TMEM238: variants seen among roughly 807,000 people sequenced by gnomAD.
TMEM238 encodes transmembrane protein 238.
For missense variants in TMEM238, 169 were observed against 206.8 expected (o/e 0.82, Z 1.12); for synonymous variants, 103 against 111.5 (o/e 0.92, Z 0.48).
Position 55,384,122 on chromosome 19 carries a change from C to T in TMEM238, c.138G>A (p.Val46=). The T allele has an allele frequency of 6.9e-7, 1 of 1,446,786 alleles. No homozygotes were observed. Among genetic ancestry groups the T allele is most frequent in the Non-Finnish European group, 9.1e-7 (1 of 1,093,836 alleles). 89.6% of individuals were successfully genotyped at this position (1,446,786 alleles called of 1,614,324 possible). Residue 46 remains valine (V), a synonymous_variant, in exon 1 of 2, where the codon GTG becomes GTA. Transcript: ENST00000444469. The surrounding 1 kb of genome is among the most constrained non-coding windows in gnomAD (Gnocchi z 5.6). ...CGGTCAGCAGCGCCGCCATGCCCGC[C>T]ACATCCAGCGCCACGGCCAGCAGCA... The part of the protein sequence containing the change: ...MALLLAVALD[V]AGMAALLTGV...
intron 1 of TMEM238, among the ~76,000 whole-genome samples, chr19:55,381,418 C>CA (rs56902543): frequency 0.28 from 14,896 of 53,098 alleles, 2,604 homozygotes; most frequent in Non-Finnish European, 0.4. Context: ...AACTCCATCT[C>CA]AAAAAAAAAA....
intron 1 of TMEM238, among the ~76,000 whole-genome samples, chr19:55,381,814 AC>A (rs2089888092): frequency 6.6e-6 from 1 of 152,134 alleles, no homozygotes; most frequent in African/African-American, 2.4e-5. Flanking sequence ...CCTCCCCAGT[AC>A]CATGCTGCAT....
rs1166167256 is a variant in TMEM238 at position 55,384,012 on chromosome 19, A to C, written c.248T>G (p.Leu83Arg). 1 of 1,472,154 alleles carries C rather than the reference A, an allele frequency of 6.8e-7. No homozygotes were observed. Among genetic ancestry groups the C allele is most frequent in the Non-Finnish European group, 9.0e-7 (1 of 1,108,848 alleles). The allele number at this position is 1,472,154 out of a possible 1,614,324, so 91.2% of individuals were successfully genotyped here. A position where few individuals can be genotyped will look rare whatever the true frequency, so the allele number is the denominator to read the frequency against. Residue 83 changes from leucine to arginine, a missense_variant, in exon 1 of 2, where the codon CTG becomes CGG. Physicochemically the swap from Leu to Arg is moderately radical, Grantham distance 102. Coordinates refer to ENST00000444469, the MANE Select transcript of TMEM238 (RefSeq NM_001190764.2). The surrounding 1 kb of genome is among the most constrained non-coding windows in gnomAD (Gnocchi z 5.6). ...GGTGTACCAGAGGATCCAGCCCAGC[A>C]GGCTCAGGAACACCAGCAGCGCGCC... ...YSGALLVFLS[L>R]LGWILWYTGN...
At position 55,383,800 on chromosome 19, in the gene TMEM238, A is replaced by C. The variant is rs1446562294; in HGVS notation, c.460T>G (p.Ser154Ala). The C allele has an allele frequency of 9.3e-6, 3 of 321,772 alleles. No homozygotes were observed. The highest frequency in any genetic ancestry group is 1.3e-5 in the Non-Finnish European group (3 of 225,404). 19.9% of individuals were successfully genotyped at this position (321,772 alleles called of 1,614,324 possible). ...ARAPPPPAAG[S>A]RRVRLQLATL... ...GCGAGCTGCAGGCGCACGCGGCGGG[A>C]GCCGGCGGCGGGCGGCGGGGGCGCG... Residue 154 changes from serine (S) to alanine (A), a missense_variant, in exon 1 of 2, where the codon TCC (serine) becomes GCC (alanine). Transcript: ENST00000444469. This position sits in a 1 kb window ranked among gnomAD's most constrained non-coding sequence, Gnocchi z 4.9.
In TMEM238 at chr19:55,383,929, C is replaced by T; in HGVS notation, c.331G>A (p.Ala111Thr). 1 of 1,290,642 alleles carries T rather than the reference C, an allele frequency of 7.7e-7. No homozygotes were observed. The highest frequency in any genetic ancestry group is 3.5e-5 in the East Asian group (1 of 28,276). The allele number at this position is 1,290,642 out of a possible 1,614,324, so 79.9% of individuals were successfully genotyped here. Residue 111 changes from alanine (A) to threonine (T), a missense_variant, in exon 1 of 2, where the codon GCG (alanine) becomes ACG (threonine). Physicochemically the swap from Ala to Thr is moderately conservative, Grantham distance 58. Coordinates refer to ENST00000444469, the MANE Select transcript of TMEM238 (RefSeq NM_001190764.2). The surrounding 1 kb of genome is among the most constrained non-coding windows in gnomAD (Gnocchi z 4.9). ...LERDYGLRPS[A>T]LARLARKLSR... ...AGCTTGCGCGCCAGGCGGGCGAGCG[C>T]CGAGGGCCGCAGGCCGTAGTCGCGC...
At chr19:55,381,120 G>A (rs1160923642) in intron 1 of TMEM238, among the ~76,000 whole-genome samples, 1 of 152,028 alleles carries the variant, frequency 6.6e-6, no homozygotes, top group African/African-American at 2.4e-5. Context: ...TGGATGCATA[G>A]GAGAAAAGTT....
intron 1 of TMEM238, among the ~76,000 whole-genome samples, chr19:55,380,264 CCT>C (rs1569036767): frequency 8.1e-6 from 1 of 123,406 alleles, no homozygotes; most frequent in Non-Finnish European, 1.7e-5. Context: ...AAAGGATTCT[CCT>C]CTCCTCCCCT....
chr19:55,380,178 T>G (rs1307815285), intron 1 of TMEM238, among the ~76,000 whole-genome samples: 1 of 151,626 alleles, frequency 6.6e-6, no homozygotes, highest in African/African-American at 2.4e-5. Context: ...TACGTTCGAG[T>G]CAGTGTGGTC....
At chr19:55,381,050 A>G (rs1218475068) in intron 1 of TMEM238, among the ~76,000 whole-genome samples, 1 of 152,208 alleles carries the variant, frequency 6.6e-6, no homozygotes, top group Non-Finnish European at 1.5e-5. Context: ...CACGTAGCAT[A>G]TGATTGGGGT....
chr19:55,380,944 GT>G (rs1884188862), intron 1 of TMEM238, among the ~76,000 whole-genome samples: 1 of 152,132 alleles, frequency 6.6e-6, no homozygotes, highest in Non-Finnish European at 1.5e-5. Context: ...AGGTGCTTAT[GT>G]TTGCATTCTA....
At chr19:55,381,722 C>T (rs1255641395) in intron 1 of TMEM238, among the ~76,000 whole-genome samples, 1 of 152,126 alleles carries the variant, frequency 6.6e-6, no homozygotes, top group Non-Finnish European at 1.5e-5. Flanking sequence ...CAAGGAGTTC[C>T]CAGGTGTAAC....
At position 55,382,151 on chromosome 19, in the gene TMEM238, C is replaced by T. The variant is rs79985865; in HGVS notation, c.*7+1571G>A. Among the ~76,000 whole-genome samples, 1,016 of 151,078 alleles carry T rather than the reference C, an allele frequency of 6.7e-3. 11 individuals carry two copies. The highest frequency in any genetic ancestry group is 0.024 in the African/African-American group (990 of 41,066). ...ACAACTCATCCATCCACGCACCCAT[C>T]GATCTACCCATCCACCCACCCACCC... On this transcript the variant is annotated intron_variant, in intron 1 of 1. Transcript: ENST00000444469.
chr19:55,379,276 G>C lies in TMEM238; in HGVS notation c.*99C>G, dbSNP rs1343526683. 6.6e-6 allele frequency: 1 copy of C among 152,312 alleles called. No individual in the cohort carries two copies. The highest frequency in any genetic ancestry group is 2.4e-5 in the African/African-American group (1 of 41,448). The allele number at this position is 152,312 out of a possible 1,614,324, so 9.4% of individuals were successfully genotyped here. On this transcript the variant is annotated 3_prime_UTR_variant, in exon 2 of 2. Transcript: ENST00000444469. ...AATCTGCTTTTTATCCAAGTGAGGA[G>C]GGAGGGGGTACAGGGAGCGTCCGTC... is the stretch of plus-strand genomic sequence containing the variant.
At chr19:55,380,569 C>T (rs917318236) in intron 1 of TMEM238, among the ~76,000 whole-genome samples, 2 of 149,986 alleles carry the variant, frequency 1.3e-5, no homozygotes, top group Non-Finnish European at 3.0e-5. Context: ...GGATTACAGG[C>T]GTCCGCCACC....
In TMEM238 at chr19:55,384,058, C is replaced by G. The variant is rs1413586006; in HGVS notation, c.202G>C (p.Gly68Arg). ...GCGCCCGAGTAGATGAGCAGGTCCCCGAAGTCGCGGCCGCGCACCTGCAGC... is the reference window on the plus strand; with the variant it reads ...GCGCCCGAGTAGATGAGCAGGTCCCGGAAGTCGCGGCCGCGCACCTGCAGC... Reference protein sequence around the residue: ...AQLQVRGRDFGDLLIYSGALL... With the variant: ...AQLQVRGRDFRDLLIYSGALL... The change falls in exon 1 of 2, where the codon GGG becomes CGG. Residue 68 changes from glycine (G) to arginine (R), a missense_variant. Coordinates refer to ENST00000444469, the MANE Select transcript of TMEM238 (RefSeq NM_001190764.2). This position sits in a 1 kb window ranked among gnomAD's most constrained non-coding sequence, Gnocchi z 5.6. 4.1e-5 allele frequency: 61 copies of G among 1,481,842 alleles called. No homozygotes were observed. The highest frequency in any genetic ancestry group is 5.4e-5 in the Non-Finnish European group (60 of 1,114,090). 91.8% of individuals were successfully genotyped at this position (1,481,842 alleles called of 1,614,324 possible). A position where few individuals can be genotyped will look rare whatever the true frequency, so the allele number is the denominator to read the frequency against.
intron 1 of TMEM238, among the ~76,000 whole-genome samples, chr19:55,381,694 C>G (rs1436817896): frequency 6.6e-6 from 1 of 152,090 alleles, no homozygotes; most frequent in Non-Finnish European, 1.5e-5. Context: ...TCCTATGGAC[C>G]AGCCGAGGCC....
chr19:55,379,477 C>G (rs534514134), intron 1 of TMEM238, 110 bp from the exon 2 acceptor site: 2 of 152,306 alleles, frequency 1.3e-5, no homozygotes, highest in African/African-American at 4.8e-5. Context: ...CCTGCCCTTG[C>G]CGCTCACATG....
chr19:55,384,213 C>G lies in TMEM238; in HGVS notation c.47G>C (p.Gly16Ala). ...AVCASQGSPP[G>A]APSAPAAAPA... ...CGCGGCCGCCGGCGCGGACGGTGCA[C>G]CCGGCGGGCTCCCCTGCGAGGCGCA... Residue 16 changes from glycine (G) to alanine (A), a missense_variant, in exon 1 of 2, where the codon GGT (glycine) becomes GCT (alanine). Physicochemically the swap from Gly to Ala is moderately conservative, Grantham distance 60 (BLOSUM62 0). Transcript: ENST00000444469. The surrounding 1 kb of genome is among the most constrained non-coding windows in gnomAD (Gnocchi z 5.6). 2.6e-6 allele frequency: 3 copies of G among 1,163,538 alleles called. No individual in the cohort carries two copies. The highest frequency in any genetic ancestry group is 3.2e-6 in the Non-Finnish European group (3 of 948,576). The allele number at this position is 1,163,538 out of a possible 1,614,324, so 72.1% of individuals were successfully genotyped here.
chr19:55,381,418 CAA>C (rs56902543), intron 1 of TMEM238, among the ~76,000 whole-genome samples: 3,468 of 53,310 alleles, frequency 0.065, 116 homozygotes, highest in African/African-American at 0.2. Context: ...AACTCCATCT[CAA>C]AAAAAAAAAA....
Sources: gnomAD v4.1 joint callset for allele counts (sites outside exome capture counted in the v4.1 genomes callset) on GRCh38, gnomAD v4.1.1 for gene constraint, Gnocchi (gnomAD v3.1) non-coding constraint, MANE v1.5 for transcripts, NCBI Gene and HGNC (gene_info 2026-07-23, HGNC 2026-07-21) for gene names.